Variants in VAV3 observed in about 807,000 individuals in gnomAD.
The protein encoded by VAV3 is vav guanine nucleotide exchange factor 3.
In VAV3, 94 loss-of-function variants were observed where a neutral mutation model predicts 131.2. That is an observed-to-expected ratio of 0.72 (90% CI 0.61 to 0.85). The LOEUF (loss-of-function observed/expected upper bound fraction) is 0.85. Among genes scored for constraint, VAV3 ranks in the 40% least tolerant of loss-of-function variants. VAV3 has a pLI of 0.00. For synonymous variants in VAV3, 349 were observed against 342.0 expected, an observed-to-expected ratio of 1.02 and a Z score of -0.22; for missense variants, 939 against 1,002.7, an observed-to-expected ratio of 0.94 and a Z score of 0.86.
At chr1:107,836,931 C>T (rs1319848753) in intron 2 of VAV3, among the ~76,000 whole-genome samples, 1 of 150,204 alleles carries the variant, frequency 6.7e-6, no homozygotes, top group African/African-American at 2.4e-5. Context: ...AACCTACCAA[C>T]AAAAAAAAAC....
At chr1:107,888,932 G>C (rs1671173308) in intron 1 of VAV3, among the ~76,000 whole-genome samples, 1 of 152,022 alleles carries the variant, frequency 6.6e-6, no homozygotes, top group African/African-American at 2.4e-5. Context: ...TTTAAAGATA[G>C]GCCCATCTAC....
At chr1:107,628,884 T>A (rs540874295) in intron 20 of VAV3, among the ~76,000 whole-genome samples, 25 of 152,220 alleles carry the variant, frequency 1.6e-4, no homozygotes, top group Non-Finnish European at 3.5e-4. Context: ...TTACCCTCTT[T>A]ATGAAGACCT....
At chr1:107,673,363 GCT>G (rs1171087179) in intron 19 of VAV3, among the ~76,000 whole-genome samples, 1 of 152,052 alleles carries the variant, frequency 6.6e-6, no homozygotes, top group Non-Finnish European at 1.5e-5. Context: ...TTTGTGAATG[GCT>G]CTCCTGCTCC....
At chr1:107,604,314 T>C (rs1191427924) in intron 22 of VAV3, among the ~76,000 whole-genome samples, 1 of 152,156 alleles carries the variant, frequency 6.6e-6, no homozygotes, top group African/African-American at 2.4e-5. Context: ...CAGCAAAAGT[T>C]TGTTGATGGA....
intron 24 of VAV3, among the ~76,000 whole-genome samples, chr1:107,598,161 G>A (rs571557241): frequency 5.9e-5 from 9 of 152,050 alleles, no homozygotes; most frequent in Non-Finnish European, 2.9e-5. Context: ...TGAGACCAAC[G>A]TGGCCAACAT....
intron 19 of VAV3, among the ~76,000 whole-genome samples, chr1:107,654,024 T>G (rs1053742928): frequency 1.4e-4 from 22 of 152,142 alleles, no homozygotes; most frequent in African/African-American, 4.8e-4. Flanking sequence ...AAGGTTCTTA[T>G]TTAGCCAAAT....
chr1:107,753,493 T>TATATATACACACACACATATATATACAC (rs1553201222), intron 12 of VAV3, among the ~76,000 whole-genome samples: 2 of 111,608 alleles, frequency 1.8e-5, no homozygotes, highest in Non-Finnish European at 3.7e-5. Context: ...TGTATATATA[T>TATATATACACACACACATATATATACAC]ACACACATAT....
intron 18 of VAV3, among the ~76,000 whole-genome samples, chr1:107,686,920 A>T (rs531276293): frequency 6.6e-6 from 1 of 152,280 alleles, no homozygotes; most frequent in South Asian, 2.1e-4. Context: ...CTTCCTTGGA[A>T]AAAATAATAT....
At chr1:107,729,442 G>A (rs771126766) in intron 15 of VAV3, among the ~76,000 whole-genome samples, 9 of 152,066 alleles carry the variant, frequency 5.9e-5, no homozygotes, top group Non-Finnish European at 1.2e-4. Context: ...TTTGGGGTTA[G>A]GAGATAGAAA....
At chr1:107,615,240 G>C (rs371752476) in intron 21 of VAV3, among the ~76,000 whole-genome samples, 1 of 152,220 alleles carries the variant, frequency 6.6e-6, no homozygotes, top group East Asian at 1.9e-4. Flanking sequence ...GTTCAGTAAA[G>C]GGGAGAAACA....
intron 13 of VAV3, 85 bp from the exon 14 acceptor site, chr1:107,749,679 T>C: frequency 6.8e-7 from 1 of 1,475,380 alleles, no homozygotes; most frequent in Admixed American, 2.3e-5. Context: ...CAACCAAATG[T>C]TTTTTTCTTT....
intron 15 of VAV3, among the ~76,000 whole-genome samples, chr1:107,717,464 C>T (rs947619284): frequency 5.3e-5 from 8 of 152,172 alleles, no homozygotes; most frequent in African/African-American, 1.7e-4. Flanking sequence ...TTTCAAAGAA[C>T]ATCTTTATTT....
At chr1:107,856,882 T>C (rs1377665477) in intron 2 of VAV3, among the ~76,000 whole-genome samples, 1 of 151,952 alleles carries the variant, frequency 6.6e-6, no homozygotes, top group African/African-American at 2.4e-5. Context: ...ACAAAAACTT[T>C]TAAAATTAGC....
chr1:107,864,237 T>G (rs1669876252), intron 2 of VAV3, among the ~76,000 whole-genome samples: 1 of 152,126 alleles, frequency 6.6e-6, no homozygotes, highest in Non-Finnish European at 1.5e-5. Flanking sequence ...TGAGGCCAAG[T>G]TGAAGGAGTA....
At chr1:107,785,665 T>G (rs1455667433) in intron 2 of VAV3, 2 of 1,112,052 alleles carry the variant, frequency 1.8e-6, no homozygotes, top group Admixed American at 5.8e-5. Flanking sequence ...GGAGAAAAAC[T>G]TGGGCCCCAG....
chr1:107,692,610 T>C (rs1659495682), intron 17 of VAV3, among the ~76,000 whole-genome samples: 1 of 152,164 alleles, frequency 6.6e-6, no homozygotes, highest in Non-Finnish European at 1.5e-5. Context: ...ATGTAAAATA[T>C]GATTTATAAA....
chr1:107,909,201 T>C (rs1672251616), intron 1 of VAV3, among the ~76,000 whole-genome samples: 1 of 152,238 alleles, frequency 6.6e-6, no homozygotes, highest in South Asian at 2.1e-4. Context: ...TGTTCATTTC[T>C]AAGACTCTTA....
At chr1:107,939,561 T>G (rs993241736) in intron 1 of VAV3, among the ~76,000 whole-genome samples, 3 of 152,200 alleles carry the variant, frequency 2.0e-5, no homozygotes, top group African/African-American at 7.2e-5. Flanking sequence ...ATATAGTGTT[T>G]TTTGGTTTTC....
At chr1:107,626,463 T>A (rs1406346541) in intron 20 of VAV3, among the ~76,000 whole-genome samples, 1 of 152,148 alleles carries the variant, frequency 6.6e-6, no homozygotes, top group Non-Finnish European at 1.5e-5. Context: ...AAAATCAAGG[T>A]CTCATGATTA....
Sources: allele counts gnomAD v4.1 joint callset (sites outside exome capture counted in the v4.1 genomes callset), GRCh38; gene constraint gnomAD v4.1.1; transcripts MANE v1.5; gene names NCBI Gene and HGNC (gene_info 2026-07-23, HGNC 2026-07-21).